The following CPAP variants were observed in gnomAD, a reference collection of about 807,000 sequenced individuals.
CPAP encodes centrosomal P4.1-associated protein.
At chr13:24,923,012 C>G in the CPAP span, 12 of 152,338 alleles carry the variant, frequency 7.9e-5, no homozygotes, top group South Asian at 1.2e-3. Flanking sequence ...GCGCCGCCTT[C>G]CGACCAGCAG....
At chr13:24,906,104 C>G in the CPAP span, 1 of 1,612,558 alleles carries the variant, frequency 6.2e-7, no homozygotes, top group Non-Finnish European at 8.5e-7. Flanking sequence ...CTCCTTCTCA[C>G]GTGCAGTGTG....
chr13:24,889,594 C>T, the CPAP span, among the ~76,000 whole-genome samples: 1 of 148,900 alleles, frequency 6.7e-6, no homozygotes, highest in Non-Finnish European at 1.5e-5. Flanking sequence ...CACACGCACG[C>T]GCGCCCCTTT....
chr13:24,889,398 G>T, the CPAP span: 1 of 1,593,202 alleles, frequency 6.3e-7, no homozygotes, highest in Non-Finnish European at 8.6e-7. Flanking sequence ...GAACAGATGT[G>T]TTCTATAGTA....
chr13:24,882,869 TCTTG>T, the CPAP span: 3 of 210,402 alleles, frequency 1.4e-5, no homozygotes, highest in Non-Finnish European at 3.1e-5. Context: ...TTCCTGTACT[TCTTG>T]GTTTTTTTTT....
At chr13:24,925,879 A>G in the CPAP span, 4 of 152,804 alleles carry the variant, frequency 2.6e-5, no homozygotes, top group African/African-American at 7.2e-5. Flanking sequence ...GATCATCCAC[A>G]TGCGTGACCC....
chr13:24,917,572 A>C, the CPAP span, among the ~76,000 whole-genome samples: 1 of 152,170 alleles, frequency 6.6e-6, no homozygotes, highest in African/African-American at 2.4e-5. Flanking sequence ...GTGTCAATGG[A>C]CTGATTCTGT....
At chr13:24,902,503 A>G in the CPAP span, among the ~76,000 whole-genome samples, 6 of 152,240 alleles carry the variant, frequency 3.9e-5, no homozygotes, top group Non-Finnish European at 7.3e-5. Context: ...ATTTTTAAGC[A>G]TACTGCAGAT....
chr13:24,922,857 G>C, the CPAP span: 1 of 152,808 alleles, frequency 6.5e-6, no homozygotes, highest in Admixed American at 6.5e-5. Flanking sequence ...CTCTGTCGGA[G>C]CCCCGCCCCC....
chr13:24,891,888 T>G, the CPAP span, among the ~76,000 whole-genome samples: 1 of 152,100 alleles, frequency 6.6e-6, no homozygotes, highest in Non-Finnish European at 1.5e-5. Context: ...TCAGGCCCAC[T>G]CAGGTGCTGC....
the CPAP span, among the ~76,000 whole-genome samples, chr13:24,904,698 T>C: frequency 1.3e-5 from 2 of 152,230 alleles, no homozygotes; most frequent in Admixed American, 1.3e-4. Flanking sequence ...CTTCTATGCT[T>C]TTTAAGCTTC....
chr13:24,905,651 T>A, the CPAP span: 1 of 1,614,230 alleles, frequency 6.2e-7, no homozygotes, highest in Non-Finnish European at 8.5e-7. Flanking sequence ...CCAAGTTCTT[T>A]CATCATCAAA....
the CPAP span, chr13:24,883,905 G>A: frequency 3.7e-6 from 6 of 1,609,562 alleles, no homozygotes; most frequent in Non-Finnish European, 5.1e-6. Context: ...CACCTTCTGA[G>A]CACAGATGAA....
At chr13:24,930,687 CCA>C in the CPAP span, among the ~76,000 whole-genome samples, 1 of 152,264 alleles carries the variant, frequency 6.6e-6, no homozygotes, top group South Asian at 2.1e-4. Flanking sequence ...TGCATATGTA[CCA>C]CATTTTCTTT....
At chr13:24,903,668 T>G in the CPAP span, among the ~76,000 whole-genome samples, 2 of 152,248 alleles carry the variant, frequency 1.3e-5, no homozygotes, top group Admixed American at 1.3e-4. Context: ...AAGTACCACT[T>G]GAAGGTACCA....
the CPAP span, chr13:24,883,513 C>G: frequency 1.6e-6 from 1 of 639,514 alleles, no homozygotes; most frequent in African/African-American, 1.8e-5. Flanking sequence ...TTGTAACTTT[C>G]TACAGTGTTT....
the CPAP span, chr13:24,886,407 A>C: frequency 7.9e-7 from 1 of 1,265,960 alleles, no homozygotes; most frequent in Non-Finnish European, 1.0e-6. Context: ...GAATGGTTCC[A>C]TTACACCATG....
the CPAP span, among the ~76,000 whole-genome samples, chr13:24,928,313 A>G: frequency 2.0e-5 from 3 of 152,194 alleles, no homozygotes; most frequent in Non-Finnish European, 4.4e-5. Flanking sequence ...GGTTGGGGAG[A>G]TGCATGTGTC....
the CPAP span, among the ~76,000 whole-genome samples, chr13:24,930,647 T>C: frequency 6.6e-6 from 1 of 152,240 alleles, no homozygotes; most frequent in Non-Finnish European, 1.5e-5. Context: ...CATGATTTCA[T>C]TCTTTTTATG....
the CPAP span, chr13:24,933,012 G>A: frequency 6.3e-7 from 1 of 1,580,896 alleles, no homozygotes; most frequent in Non-Finnish European, 8.7e-7. Flanking sequence ...GGATGGTGAT[G>A]GGAATCTTTG....
Sources: gnomAD v4.1 joint callset for allele counts (sites outside exome capture counted in the v4.1 genomes callset) on GRCh38, gnomAD v4.1.1 for gene constraint, MANE v1.5 for transcripts, NCBI Gene and HGNC (gene_info 2026-07-23, HGNC 2026-07-21) for gene names.